MALT1: variants seen among roughly 807,000 people sequenced by gnomAD.
MALT1 encodes MALT1 paracaspase, also known as mucosa-associated lymphoid tissue lymphoma translocation protein 1.
In MALT1, 36 loss-of-function variants were observed where a neutral mutation model predicts 85.5. The ratio of observed to expected loss-of-function variants is 0.42; its 90% confidence interval spans 0.32 to 0.56. The LOEUF is 0.56. MALT1 is among the 20% of genes least tolerant of loss of function. The probability of loss-of-function intolerance (pLI) is 0.10; values close to 1 mark genes in which losing one functional copy is unlikely to be tolerated. For missense variants in MALT1, 716 were observed against 981.6 expected, an observed-to-expected ratio of 0.73 and a Z score of 3.62; for synonymous variants, 359 against 361.3, an observed-to-expected ratio of 0.99 and a Z score of 0.07.
At chr18:58,688,324 ACACG>A (rs199801558) in intron 2 of MALT1, among the ~76,000 whole-genome samples, 8,771 of 143,386 alleles carry the variant, frequency 0.061, 389 homozygotes, top group East Asian at 0.23. Context: ...ACACACACAC[ACACG>A]CTTATTAATA....
chr18:58,680,507 G>C (rs1173208937), intron 1 of MALT1, among the ~76,000 whole-genome samples: 2 of 151,928 alleles, frequency 1.3e-5, no homozygotes, highest in South Asian at 4.2e-4. Flanking sequence ...CTTCATTTGG[G>C]GTCATTTTGT....
intron 2 of MALT1, among the ~76,000 whole-genome samples, chr18:58,688,781 T>C (rs1049405051): frequency 2.6e-5 from 4 of 152,020 alleles, no homozygotes; most frequent in Non-Finnish European, 5.9e-5. Context: ...GTGGGATTGC[T>C]CTTTGTGTGA....
At chr18:58,683,028 T>A (rs1243515041) in intron 2 of MALT1, among the ~76,000 whole-genome samples, 1 of 152,234 alleles carries the variant, frequency 6.6e-6, no homozygotes, top group Non-Finnish European at 1.5e-5. Context: ...TAAACTTTCT[T>A]TTTTAAACCT....
chr18:58,704,684 T>C (rs547445272), intron 4 of MALT1, among the ~76,000 whole-genome samples: 1 of 152,322 alleles, frequency 6.6e-6, no homozygotes, highest in Non-Finnish European at 1.5e-5. Flanking sequence ...TCTCAAGCGA[T>C]CCGCCCACCT....
intron 10 of MALT1, among the ~76,000 whole-genome samples, chr18:58,729,633 C>CA (rs1436369166): frequency 6.6e-6 from 1 of 151,802 alleles, no homozygotes; most frequent in Non-Finnish European, 1.5e-5. Flanking sequence ...AAAATAAGGG[C>CA]AGAAATCACT....
intron 2 of MALT1, among the ~76,000 whole-genome samples, chr18:58,688,468 T>G (rs1038003446): frequency 1.4e-5 from 2 of 141,416 alleles, no homozygotes; most frequent in Non-Finnish European, 3.0e-5. Context: ...TAGGAGGATC[T>G]CTTGAGGCCA....
At chr18:58,716,783 TG>T (rs1326689359) in intron 9 of MALT1, among the ~76,000 whole-genome samples, 4 of 152,060 alleles carry the variant, frequency 2.6e-5, no homozygotes, top group Admixed American at 1.3e-4. Flanking sequence ...GAGGGGAAAA[TG>T]TGAGGATATT....
chr18:58,744,264 A>G (rs902927874), intron 14 of MALT1, 74 bp from the exon 15 acceptor site: 82 of 965,554 alleles, frequency 8.5e-5, no homozygotes, highest in Middle Eastern at 2.3e-4. Flanking sequence ...AATGCTAACT[A>G]TATTCTCCTC....
chr18:58,736,452 A>AAG (rs1555689275), intron 13 of MALT1, among the ~76,000 whole-genome samples: 5 of 152,056 alleles, frequency 3.3e-5, no homozygotes, highest in African/African-American at 1.2e-4. Flanking sequence ...TAAAAAAAAA[A>AAG]AAAGAAAGAA....
At chr18:58,699,878 T>G (rs1200610856) in intron 3 of MALT1, among the ~76,000 whole-genome samples, 1 of 152,244 alleles carries the variant, frequency 6.6e-6, no homozygotes, top group South Asian at 2.1e-4. Context: ...CTCATTGATA[T>G]GCTTTCCATA....
chr18:58,733,387 C>T lies in MALT1; in HGVS notation c.1223-10C>T, dbSNP rs1441059734. 1.9e-6 allele frequency: 3 copies of T among 1,571,674 alleles called. No individual in the cohort carries two copies. Among genetic ancestry groups the T allele is most frequent in the African/African-American group, 1.4e-5 (1 of 72,624 alleles). On this transcript the variant is annotated splice_polypyrimidine_tract_variant and intron_variant, in intron 10 of 16. Coordinates refer to ENST00000649217, the MANE Select transcript of MALT1 (RefSeq NM_006785.4). ...GACATCTATCTCTCTCTTATTTTTCCTCTTTTCAGGGTTATTATATTATGC... is the reference window on the plus strand; with the variant it reads ...GACATCTATCTCTCTCTTATTTTTCTTCTTTTCAGGGTTATTATATTATGC...
At chr18:58,719,843 T>C (rs1414331180) in intron 9 of MALT1, among the ~76,000 whole-genome samples, 1 of 152,234 alleles carries the variant, frequency 6.6e-6, no homozygotes, top group Non-Finnish European at 1.5e-5. Context: ...GACTTTATTT[T>C]GTAGGACATG....
chr18:58,695,143 C>G (rs2054569086), intron 2 of MALT1, among the ~76,000 whole-genome samples: 1 of 152,224 alleles, frequency 6.6e-6, no homozygotes, highest in African/African-American at 2.4e-5. Context: ...CACCTTCCAC[C>G]ATGATTGTGA....
Position 58,733,375 on chromosome 18 carries a change from CTCTT to C in MALT1, c.1223-21_1223-18del, listed in dbSNP as rs767490681. 9.7e-5 allele frequency: 148 copies of C among 1,527,190 alleles called. No homozygotes were observed. The highest frequency in any genetic ancestry group is 2.2e-4 in the African/African-American group (16 of 71,968). 94.6% of individuals were successfully genotyped at this position (1,527,190 alleles called of 1,614,324 possible). Reference sequence around the variant, plus strand: ...GCATTTAGAATTGACATCTATCTCTCTCTTATTTTTCCTCTTTTCAGGGTTATTA... The same window carrying C: ...GCATTTAGAATTGACATCTATCTCTCATTTTTCCTCTTTTCAGGGTTATTA... On this transcript the variant is annotated intron_variant, in intron 10 of 16. Coordinates refer to ENST00000649217, the MANE Select transcript of MALT1 (RefSeq NM_006785.4).
rs2055356471 is a variant in MALT1, at chr18:58,745,663, C to T, written c.1912-3C>T. The T allele has an allele frequency of 1.3e-6, 2 of 1,593,494 alleles. No homozygotes were observed. The highest frequency in any genetic ancestry group is 3.6e-5 in the Admixed American group (2 of 56,030). ...TAACAGTCCCTAATTTTTTTTTTTA[C>T]AGGATCTAGATATTGATCCAAAAGA... On this transcript the variant is annotated splice_region_variant and splice_polypyrimidine_tract_variant and intron_variant, in intron 15 of 16. Transcript: ENST00000649217.
Position 58,712,166 on chromosome 18 carries a change from T to C in MALT1, c.958+1213T>C, listed in dbSNP as rs185321620. On this transcript the variant is annotated intron_variant, in intron 7 of 16. Coordinates refer to ENST00000649217, the MANE Select transcript of MALT1 (RefSeq NM_006785.4). ...TTCAAATAACTCTATTTAGAACATATAGAGATGAAAATCCAGTTACGAAGT... is the reference window on the plus strand; with the variant it reads ...TTCAAATAACTCTATTTAGAACATACAGAGATGAAAATCCAGTTACGAAGT... Among the ~76,000 whole-genome samples, 192 of 152,284 alleles carry C rather than the reference T, an allele frequency of 1.3e-3. 1 individual carries two copies. Among genetic ancestry groups the C allele is most frequent in the African/African-American group, 4.2e-3 (176 of 41,566 alleles).
At chr18:58,733,110 C>T (rs947757969) in intron 10 of MALT1, among the ~76,000 whole-genome samples, 6 of 152,078 alleles carry the variant, frequency 3.9e-5, no homozygotes, top group Admixed American at 3.3e-4. Flanking sequence ...GGGGTTTCAC[C>T]ACGTTGGCCA....
intron 9 of MALT1, among the ~76,000 whole-genome samples, chr18:58,717,404 G>C (rs1202545041): frequency 6.6e-6 from 1 of 151,942 alleles, no homozygotes. Flanking sequence ...GTAAAGTAAG[G>C]CTGAATATAG....
chr18:58,702,044 G>A (rs2054679296), intron 4 of MALT1, among the ~76,000 whole-genome samples: 1 of 152,012 alleles, frequency 6.6e-6, no homozygotes, highest in Non-Finnish European at 1.5e-5. Flanking sequence ...AAGGATTCTT[G>A]ATATCTAGAA....
Sources: gnomAD v4.1 joint callset for allele counts (sites outside exome capture counted in the v4.1 genomes callset) on GRCh38, gnomAD v4.1.1 for gene constraint, MANE v1.5 for transcripts, NCBI Gene and HGNC (gene_info 2026-07-23, HGNC 2026-07-21) for gene names.